Variants in CHRM3 observed in about 807,000 individuals in gnomAD.
The protein encoded by CHRM3 is cholinergic receptor muscarinic 3.
CHRM3 carries 11 observed loss-of-function variants against 41.8 expected under a neutral mutation model. That is an observed-to-expected ratio of 0.26 (90% CI 0.17 to 0.44). CHRM3 has a LOEUF of 0.44. Among genes scored for constraint, CHRM3 ranks in the 20% least tolerant of loss-of-function variants. The pLI is 1.00. For missense variants in CHRM3, 571 were observed against 745.4 expected (o/e 0.77, Z 2.72); for synonymous variants, 297 against 301.4 (o/e 0.99, Z 0.15).
intron 4 of CHRM3, among the ~76,000 whole-genome samples, chr1:239,655,722 T>G (rs1672651652): frequency 1.3e-5 from 2 of 152,210 alleles, no homozygotes; most frequent in African/African-American, 4.8e-5. Context: ...ATAATATCAG[T>G]GTAATCTTGA....
chr1:239,454,910 C>T (rs113479971), intron 1 of CHRM3, among the ~76,000 whole-genome samples: 67 of 152,078 alleles, frequency 4.4e-4, no homozygotes, highest in Non-Finnish European at 4.3e-4. Flanking sequence ...TTGGTGTAAA[C>T]GAACCTACTA....
intron 5 of CHRM3, among the ~76,000 whole-genome samples, chr1:239,694,115 A>G (rs1275506737): frequency 1.3e-5 from 2 of 152,204 alleles, no homozygotes; most frequent in Non-Finnish European, 2.9e-5. Context: ...AGAATTAAAG[A>G]CAAAAATAAG....
intron 5 of CHRM3, among the ~76,000 whole-genome samples, chr1:239,807,623 G>T (rs1670756327): frequency 6.6e-6 from 1 of 152,182 alleles, no homozygotes; most frequent in Non-Finnish European, 1.5e-5. Context: ...TAGTAATCAT[G>T]CATTGCATTC....
intron 1 of CHRM3, among the ~76,000 whole-genome samples, chr1:239,415,637 A>G (rs1661435467): frequency 6.6e-6 from 1 of 152,232 alleles, no homozygotes; most frequent in Non-Finnish European, 1.5e-5. Context: ...TTTGTTCATT[A>G]GTATATTGCT....
chr1:239,618,575 T>C (rs1213877341), intron 3 of CHRM3, among the ~76,000 whole-genome samples: 4 of 151,992 alleles, frequency 2.6e-5, no homozygotes, highest in Non-Finnish European at 4.4e-5. Flanking sequence ...CCGGGCGCGG[T>C]GGCTCACGCC....
intron 5 of CHRM3, among the ~76,000 whole-genome samples, chr1:239,680,311 T>G (rs1658436431): frequency 6.6e-6 from 1 of 152,194 alleles, no homozygotes; most frequent in South Asian, 2.1e-4. Context: ...GAATGAAGAA[T>G]CTGACTTCAG....
At chr1:239,665,499 A>G (rs1275554339) in intron 4 of CHRM3, among the ~76,000 whole-genome samples, 1 of 151,868 alleles carries the variant, frequency 6.6e-6, no homozygotes, top group Non-Finnish European at 1.5e-5. Flanking sequence ...GGCAATTGTT[A>G]CCTTTTGGTT....
chr1:239,839,697 A>G (rs77517044), intron 6 of CHRM3, among the ~76,000 whole-genome samples: 1,947 of 151,708 alleles, frequency 0.013, 24 homozygotes, highest in East Asian at 0.064. Context: ...ACTTATTCAT[A>G]TTCCCCCTTT....
rs1457005203 is a variant in CHRM3, at chr1:239,907,458, T to G, written c.7T>G (p.Leu3Val). Residue 3 changes from leucine (L) to valine (V), a missense_variant, in exon 7 of 7, where the codon TTG becomes GTG. By Grantham distance (32) the Leu-to-Val change is conservative. Coordinates refer to ENST00000676153, the MANE Select transcript of CHRM3 (RefSeq NM_001375978.1). This position sits in a 1 kb window ranked among gnomAD's most constrained non-coding sequence, Gnocchi z 5.4. MT[L>V]HNNSTTSPLF... is the part of the protein sequence containing the mutation. ...ACTATGTCAGAGAGTCACAATGACC[T>G]TGCACAATAACAGTACAACCTCGCC... is the stretch of plus-strand genomic sequence containing the variant. 1 of 1,612,710 alleles carries G rather than the reference T, an allele frequency of 6.2e-7. No homozygotes were observed. The highest frequency in any genetic ancestry group is 8.5e-7 in the Non-Finnish European group (1 of 1,179,008).
At chr1:239,756,131 T>A (rs540997402) in intron 5 of CHRM3, among the ~76,000 whole-genome samples, 3 of 152,306 alleles carry the variant, frequency 2.0e-5, no homozygotes, top group East Asian at 3.9e-4. Flanking sequence ...CTGTATGTAT[T>A]ATGGCAAAGC....
chr1:239,876,296 TG>T (rs1296253103), intron 6 of CHRM3, among the ~76,000 whole-genome samples: 1 of 152,244 alleles, frequency 6.6e-6, no homozygotes, highest in Non-Finnish European at 1.5e-5. Flanking sequence ...ATTAAATTAT[TG>T]GTATGCATTT....
intron 3 of CHRM3, among the ~76,000 whole-genome samples, chr1:239,556,058 G>A (rs953174105): frequency 1.3e-5 from 2 of 152,076 alleles, no homozygotes; most frequent in Non-Finnish European, 2.9e-5. Context: ...TGTTTACTAC[G>A]TTGCAATGAT....
At chr1:239,897,540 A>G (rs1679113580) in intron 6 of CHRM3, among the ~76,000 whole-genome samples, 2 of 152,234 alleles carry the variant, frequency 1.3e-5, no homozygotes, top group South Asian at 4.1e-4. Flanking sequence ...AAGGCACAGT[A>G]TTAAAAACAC....
chr1:239,889,511 A>G (rs1294165348), intron 6 of CHRM3, among the ~76,000 whole-genome samples: 2 of 152,052 alleles, frequency 1.3e-5, no homozygotes, highest in African/African-American at 4.8e-5. Context: ...CAGCTTGCTT[A>G]TCTATGTTTG....
intron 1 of CHRM3, among the ~76,000 whole-genome samples, chr1:239,400,887 C>T (rs1365953591): frequency 1.3e-5 from 2 of 152,038 alleles, no homozygotes; most frequent in African/African-American, 4.8e-5. Context: ...TTTATATATA[C>T]ATAAAAGGAA....
intron 3 of CHRM3, among the ~76,000 whole-genome samples, chr1:239,600,816 C>T (rs1487370848): frequency 1.3e-5 from 2 of 150,814 alleles, no homozygotes; most frequent in African/African-American, 4.9e-5. Flanking sequence ...TTCCTTCCTT[C>T]CTTCCTCTTT....
chr1:239,541,111 T>C (rs1658734285), intron 2 of CHRM3, among the ~76,000 whole-genome samples: 2 of 152,208 alleles, frequency 1.3e-5, no homozygotes, highest in Non-Finnish European at 2.9e-5. Context: ...CCAATGTCTG[T>C]GTGGAGTTTG....
chr1:239,597,807 G>T (rs1664961440), intron 3 of CHRM3, among the ~76,000 whole-genome samples: 1 of 147,438 alleles, frequency 6.8e-6, no homozygotes, highest in African/African-American at 2.5e-5. Context: ...CTTGTTGATG[G>T]GATTTTTTTA....
chr1:239,394,985 G>A (rs1659355854), intron 1 of CHRM3, among the ~76,000 whole-genome samples: 1 of 152,058 alleles, frequency 6.6e-6, no homozygotes, highest in Admixed American at 6.5e-5. Context: ...CCTTCATGAG[G>A]TTTATAGCAA....
Sources: allele counts gnomAD v4.1 joint callset (sites outside exome capture counted in the v4.1 genomes callset), GRCh38; gene constraint gnomAD v4.1.1; non-coding constraint Gnocchi (gnomAD v3.1); transcripts MANE v1.5; gene names NCBI Gene and HGNC (gene_info 2026-07-23, HGNC 2026-07-21).